Variants in MCC observed in about 807,000 individuals in gnomAD.
MCC encodes the protein MCC regulator of Wnt signaling pathway, also known as colorectal mutant cancer protein.
In MCC, 90 loss-of-function variants were observed where a neutral mutation model predicts 116.2. That is an observed-to-expected ratio of 0.77 (90% CI 0.65 to 0.92). The LOEUF is 0.92. Ranked by LOEUF, MCC falls within the 40% of genes least tolerant of loss-of-function variation. The pLI, the probability that MCC is intolerant of heterozygous loss-of-function variation, is 0.00. For synonymous variants in MCC, 578 were observed against 510.5 expected, an observed-to-expected ratio of 1.13 and a Z score of -1.78; for missense variants, 1,516 against 1,312.2, an observed-to-expected ratio of 1.16 and a Z score of -2.40.
At chr5:113,151,084 G>T (rs1284901466) in intron 4 of MCC, among the ~76,000 whole-genome samples, 1 of 152,136 alleles carries the variant, frequency 6.6e-6, no homozygotes, top group Non-Finnish European at 1.5e-5. Context: ...GAATCCCTCG[G>T]TAGGCACCTT....
At chr5:113,339,660 TTTAA>T (rs1374142266) in intron 3 of MCC, among the ~76,000 whole-genome samples, 2 of 152,226 alleles carry the variant, frequency 1.3e-5, no homozygotes, top group South Asian at 4.1e-4. Context: ...ATGATTGTAT[TTTAA>T]TTATTGTTGC....
chr5:113,202,787 T>TA (rs11387012), intron 3 of MCC, among the ~76,000 whole-genome samples: 122,698 of 140,038 alleles, frequency 0.88, 54,512 homozygotes, highest in East Asian at 0.97. Context: ...GCCCTTTATT[T>TA]AAAAAAAAAA....
At chr5:113,305,581 C>T (rs1766967732) in intron 3 of MCC, among the ~76,000 whole-genome samples, 4 of 152,224 alleles carry the variant, frequency 2.6e-5, no homozygotes, top group Admixed American at 1.3e-4. Flanking sequence ...TCCTTTCGTC[C>T]CCACTTGCTC....
At position 113,118,666 on chromosome 5, in the gene MCC, A is replaced by T. The variant is rs550099047; in HGVS notation, c.1027+4018T>A. On this transcript the variant is annotated intron_variant, in intron 6 of 18. Coordinates refer to ENST00000408903, the MANE Select transcript of MCC (RefSeq NM_001085377.2). ...GTTGCTAATGCAGGTTTGCAAATATAGCAACTATAATGAAATGGCTACTTT... is the reference window on the plus strand; with the variant it reads ...GTTGCTAATGCAGGTTTGCAAATATTGCAACTATAATGAAATGGCTACTTT... Among the ~76,000 whole-genome samples the T allele has an allele frequency of 9.0e-4, 137 of 152,390 alleles. 1 individual carries two copies. The highest frequency in any genetic ancestry group is 3.1e-3 in the African/African-American group (130 of 41,596).
At chr5:113,299,181 A>G (rs1454408255) in intron 3 of MCC, among the ~76,000 whole-genome samples, 1 of 151,642 alleles carries the variant, frequency 6.6e-6, no homozygotes, top group Non-Finnish European at 1.5e-5. Context: ...CCAGATACTC[A>G]GGAGGCTGAG....
At chr5:113,390,095 T>C (rs1769366706) in intron 1 of MCC, among the ~76,000 whole-genome samples, 1 of 152,142 alleles carries the variant, frequency 6.6e-6, no homozygotes. Flanking sequence ...GTAAGTGTTC[T>C]GCCTTGAAAA....
At chr5:113,417,062 C>T (rs1770171750) in intron 1 of MCC, among the ~76,000 whole-genome samples, 1 of 151,482 alleles carries the variant, frequency 6.6e-6, no homozygotes, top group South Asian at 2.1e-4. Context: ...CTATTTCTCC[C>T]AGGTTCAAGT....
chr5:113,120,927 G>C (rs74441121), intron 6 of MCC, among the ~76,000 whole-genome samples: 3 of 152,022 alleles, frequency 2.0e-5, no homozygotes, highest in Non-Finnish European at 4.4e-5. Flanking sequence ...AACAAAACAC[G>C]ATCTCCACCT....
intron 1 of MCC, among the ~76,000 whole-genome samples, chr5:113,405,670 G>C (rs112947305): frequency 1.3e-5 from 2 of 152,002 alleles, no homozygotes; most frequent in African/African-American, 4.8e-5. Context: ...AGCCAGGCGT[G>C]GTGGCATGTG....
chr5:113,326,726 T>C (rs1315488533), intron 3 of MCC, among the ~76,000 whole-genome samples: 1 of 152,218 alleles, frequency 6.6e-6, no homozygotes, highest in Non-Finnish European at 1.5e-5. Context: ...ACTCTCTGTG[T>C]TATCTTCATA....
chr5:113,302,533 T>G (rs996168872), intron 3 of MCC, among the ~76,000 whole-genome samples: 1 of 152,196 alleles, frequency 6.6e-6, no homozygotes, highest in African/African-American at 2.4e-5. Context: ...TGTTAAGAAA[T>G]TATTAATATT....
intron 3 of MCC, among the ~76,000 whole-genome samples, chr5:113,169,949 T>C (rs1470392100): frequency 6.6e-6 from 1 of 152,218 alleles, no homozygotes; most frequent in Non-Finnish European, 1.5e-5. Context: ...CTTTTATGCA[T>C]TGCTCAACTT....
At chr5:113,395,166 T>C (rs749886405) in intron 1 of MCC, among the ~76,000 whole-genome samples, 15 of 152,180 alleles carry the variant, frequency 9.9e-5, no homozygotes, top group Non-Finnish European at 2.2e-4. Context: ...TGGGTAAATA[T>C]AATGTTAGAC....
chr5:113,140,998 G>C (rs1011891758), intron 5 of MCC, among the ~76,000 whole-genome samples: 6 of 152,212 alleles, frequency 3.9e-5, no homozygotes, highest in African/African-American at 1.2e-4. Context: ...GGCGCTTCCA[G>C]AGGAGACTGG....
intron 6 of MCC, among the ~76,000 whole-genome samples, chr5:113,112,766 A>G (rs1345017812): frequency 1.3e-5 from 2 of 152,234 alleles, no homozygotes; most frequent in Non-Finnish European, 2.9e-5. Context: ...TGGGCATGGA[A>G]CATGTGCTCT....
At chr5:113,376,725 A>C (rs1309581358) in intron 2 of MCC, among the ~76,000 whole-genome samples, 1 of 152,110 alleles carries the variant, frequency 6.6e-6, no homozygotes, top group African/African-American at 2.4e-5. Flanking sequence ...CCCGGCACTC[A>C]TTCGCCTTTC....
At chr5:113,320,531 A>C (rs1386735426) in intron 3 of MCC, among the ~76,000 whole-genome samples, 2 of 152,054 alleles carry the variant, frequency 1.3e-5, no homozygotes, top group African/African-American at 4.8e-5. Context: ...GATAACCTAC[A>C]GGCCCTCTAC....
At chr5:113,484,727 T>C (rs368968035) in intron 1 of MCC, among the ~76,000 whole-genome samples, 19 of 152,314 alleles carry the variant, frequency 1.2e-4, no homozygotes, top group South Asian at 1.0e-3. Context: ...GCTTTCAATA[T>C]TTGTCAAAGG....
chr5:113,174,904 T>C (rs1045516143), intron 3 of MCC, among the ~76,000 whole-genome samples: 1 of 152,094 alleles, frequency 6.6e-6, no homozygotes, highest in South Asian at 2.1e-4. Flanking sequence ...ATTTTTTTTT[T>C]AAATGTTAAG....
Sources: allele counts gnomAD v4.1 joint callset (sites outside exome capture counted in the v4.1 genomes callset), GRCh38; gene constraint gnomAD v4.1.1; transcripts MANE v1.5; gene names NCBI Gene and HGNC (gene_info 2026-07-23, HGNC 2026-07-21).